PARM1: variants seen among roughly 807,000 people sequenced by gnomAD.
The protein encoded by PARM1 is WSC4, cell wall integrity and stress response component 4 homolog.
Under a neutral mutation model 24.6 loss-of-function variants are expected in PARM1, and 14 were observed. The observed-to-expected ratio is 0.57, with a 90% CI of 0.38 to 0.89. The LOEUF is 0.89. PARM1 is among the 40% of genes least tolerant of loss of function. The pLI is 0.00. For synonymous variants in PARM1, 179 were observed against 156.6 expected (o/e 1.14, Z -1.07); for missense variants, 362 against 380.4 (o/e 0.95, Z 0.40).
intron 1 of PARM1, among the ~76,000 whole-genome samples, chr4:74,980,011 A>G (rs1041503085): frequency 1.3e-5 from 2 of 152,194 alleles, no homozygotes; most frequent in Non-Finnish European, 2.9e-5. Context: ...AACCAATATC[A>G]TACTAAATGG....
chr4:75,041,307 AG>A (rs1197858583), intron 3 of PARM1, among the ~76,000 whole-genome samples: 1 of 152,340 alleles, frequency 6.6e-6, no homozygotes. Flanking sequence ...GGACAACAAG[AG>A]TCTAAGGCTT....
intron 3 of PARM1, among the ~76,000 whole-genome samples, chr4:75,041,411 A>C (rs981561356): frequency 1.3e-5 from 2 of 152,182 alleles, no homozygotes; most frequent in African/African-American, 2.4e-5. Context: ...ATATTTCTTC[A>C]TATCCTTAGC....
intron 2 of PARM1, among the ~76,000 whole-genome samples, chr4:75,023,676 AAAT>A (rs1262863047): frequency 1.3e-5 from 2 of 152,234 alleles, no homozygotes; most frequent in African/African-American, 4.8e-5. Context: ...TTCACATCTG[AAAT>A]AATAACAGTT....
At chr4:74,997,878 C>T (rs1373503704) in intron 1 of PARM1, 3 of 152,044 alleles carry the variant, frequency 2.0e-5, no homozygotes, top group Non-Finnish European at 2.9e-5. Context: ...TTCTAAGCAG[C>T]GACGCATATA....
intron 1 of PARM1, among the ~76,000 whole-genome samples, chr4:74,943,047 C>G (rs1721342950): frequency 6.6e-6 from 1 of 152,182 alleles, no homozygotes; most frequent in African/African-American, 2.4e-5. Flanking sequence ...ATGCTTTCTC[C>G]AGATACCCAT....
intron 1 of PARM1, among the ~76,000 whole-genome samples, chr4:75,011,805 C>T (rs1297850174): frequency 6.6e-6 from 1 of 152,180 alleles, no homozygotes; most frequent in Non-Finnish European, 1.5e-5. Flanking sequence ...TGGGACCTCT[C>T]CCTTTTTCTT....
At position 75,046,415 on chromosome 4, in the gene PARM1, T is replaced by C. The variant is rs1723604683; in HGVS notation, c.*168T>C. The C allele has an allele frequency of 1.9e-6, 1 of 535,734 alleles. No homozygotes were observed. Among genetic ancestry groups the C allele is most frequent in the Non-Finnish European group, 3.4e-6 (1 of 296,578 alleles). The allele number at this position is 535,734 out of a possible 1,614,324, so 33.2% of individuals were successfully genotyped here. ...CTCCTCTGGCTGCTACAACTTCCCC[T>C]TTCTGGTACAAGAAGAACCATTCTT... is the stretch of plus-strand genomic sequence containing the variant. On this transcript the variant is annotated 3_prime_UTR_variant, in exon 4 of 4. Transcript: ENST00000307428.
intron 1 of PARM1, among the ~76,000 whole-genome samples, chr4:74,979,546 G>A (rs562958947): frequency 7.9e-4 from 121 of 152,274 alleles, no homozygotes; most frequent in African/African-American, 2.8e-3. Flanking sequence ...AGAAGGGCTA[G>A]TACCATTTCT....
chr4:75,035,934 C>G (rs1210966825), intron 3 of PARM1, among the ~76,000 whole-genome samples: 1 of 152,142 alleles, frequency 6.6e-6, no homozygotes. Flanking sequence ...CTGAATGATA[C>G]CTTTTTCCAT....
chr4:75,001,667 G>C (rs1057383684), intron 1 of PARM1, among the ~76,000 whole-genome samples: 1 of 152,158 alleles, frequency 6.6e-6, no homozygotes, highest in Non-Finnish European at 1.5e-5. Context: ...AAACCATGAA[G>C]TATACCCATT....
chr4:74,969,469 G>T (rs1371632021), intron 1 of PARM1: 1 of 152,238 alleles, frequency 6.6e-6, no homozygotes, highest in Non-Finnish European at 1.5e-5. Context: ...GCTAGGACAT[G>T]TGTCTTGCCT....
intron 2 of PARM1, among the ~76,000 whole-genome samples, chr4:75,021,655 C>G (rs1723090870): frequency 1.3e-5 from 2 of 152,070 alleles, no homozygotes; most frequent in African/African-American, 2.4e-5. Flanking sequence ...TTGTTCCCTT[C>G]TTTGTGTCTA....
At chr4:74,962,678 T>C (rs987523246) in intron 1 of PARM1, among the ~76,000 whole-genome samples, 3 of 152,322 alleles carry the variant, frequency 2.0e-5, no homozygotes, top group African/African-American at 7.2e-5. Context: ...AAATACTGTT[T>C]TATTCCATTT....
At chr4:74,979,732 A>G (rs547207605) in intron 1 of PARM1, among the ~76,000 whole-genome samples, 34 of 152,300 alleles carry the variant, frequency 2.2e-4, no homozygotes, top group South Asian at 1.2e-3. Flanking sequence ...ATACTGGCAA[A>G]CCAAACCCAT....
At chr4:74,949,579 TG>T (rs1721485145) in intron 1 of PARM1, among the ~76,000 whole-genome samples, 1 of 152,242 alleles carries the variant, frequency 6.6e-6, no homozygotes, top group Admixed American at 6.5e-5. Flanking sequence ...CCCAAAGTGC[TG>T]GGATTACAGG....
intron 2 of PARM1, among the ~76,000 whole-genome samples, chr4:75,019,287 G>A (rs542904893): frequency 6.6e-6 from 1 of 152,280 alleles, no homozygotes; most frequent in Admixed American, 6.5e-5. Context: ...ATGCCTGAGG[G>A]ATTAACTGAC....
chr4:75,037,130 T>A (rs966670209), intron 3 of PARM1, among the ~76,000 whole-genome samples: 13 of 152,234 alleles, frequency 8.5e-5, no homozygotes, highest in Admixed American at 5.9e-4. Context: ...GACGTGTGTG[T>A]GTGCATGTAT....
At chr4:75,020,455 T>C (rs913592145) in intron 2 of PARM1, among the ~76,000 whole-genome samples, 2 of 151,586 alleles carry the variant, frequency 1.3e-5, no homozygotes, top group African/African-American at 4.9e-5. Context: ...AGAGCTCCCA[T>C]AATCCCACCG....
intron 1 of PARM1, among the ~76,000 whole-genome samples, chr4:75,010,496 A>G (rs902821077): frequency 1.3e-5 from 2 of 152,254 alleles, no homozygotes; most frequent in African/African-American, 4.8e-5. Context: ...AATTGGTTGT[A>G]ATAGTAAAGT....
Sources: gnomAD v4.1 joint callset for allele counts (sites outside exome capture counted in the v4.1 genomes callset) on GRCh38, gnomAD v4.1.1 for gene constraint, MANE v1.5 for transcripts, NCBI Gene and HGNC (gene_info 2026-07-23, HGNC 2026-07-21) for gene names.